Variants in TSNARE1 observed in about 807,000 individuals in gnomAD.
TSNARE1 encodes the protein t-SNARE domain-containing protein 1.
In TSNARE1, 49 loss-of-function variants were observed where a neutral mutation model predicts 62.0. The observed-to-expected ratio is 0.79, with a 90% CI of 0.63 to 1.00. The LOEUF (loss-of-function observed/expected upper bound fraction) is 1.00. Ranked by LOEUF, TSNARE1 falls within the 50% of genes least tolerant of loss-of-function variation. The pLI, the probability that TSNARE1 is intolerant of heterozygous loss-of-function variation, is 0.00. For missense variants in TSNARE1, 755 were observed against 700.1 expected (o/e 1.08, Z -0.88); for synonymous variants, 328 against 294.4 (o/e 1.11, Z -1.17).
At chr8:142,271,707 A>G (rs754102732) in intron 12 of TSNARE1, 169 of 1,357,544 alleles carry the variant, frequency 1.2e-4, no homozygotes, top group South Asian at 3.1e-4. Context: ...AGAGGGAGAC[A>G]GGAAAATGTC....
intron 6 of TSNARE1, among the ~76,000 whole-genome samples, chr8:142,324,106 C>A (rs1256628231): frequency 1.3e-5 from 2 of 152,206 alleles, no homozygotes; most frequent in African/African-American, 4.8e-5. Context: ...AGATGCAATG[C>A]CCGGAACCAT....
intron 1 of TSNARE1, among the ~76,000 whole-genome samples, chr8:142,392,947 G>GAAAAAAAAAAAA (rs374805854): frequency 9.1e-6 from 1 of 109,538 alleles, no homozygotes. Flanking sequence ...AGGAGAAAAA[G>GAAAAAAAAAAAA]AAAAAAAAAA....
chr8:142,261,027 GGAGAGAAAGAGGAGGGAGGAAGGAAA>G (rs1198879510), intron 12 of TSNARE1, among the ~76,000 whole-genome samples: 3 of 120,146 alleles, frequency 2.5e-5, no homozygotes, highest in Non-Finnish European at 3.6e-5. Flanking sequence ...GAGACAGGGA[GGAGAGAAAGAGGAGGGAGGAAGGAAA>G]GAGGGAAGCA....
chr8:142,294,965 T>G (rs1189036992), intron 10 of TSNARE1, among the ~76,000 whole-genome samples: 2 of 152,112 alleles, frequency 1.3e-5, no homozygotes, highest in African/African-American at 4.8e-5. Context: ...CCGCGGCACC[T>G]GGATACCCAA....
At chr8:142,241,050 T>C (rs1338654003) in intron 12 of TSNARE1, among the ~76,000 whole-genome samples, 1 of 152,148 alleles carries the variant, frequency 6.6e-6, no homozygotes, top group Non-Finnish European at 1.5e-5. Flanking sequence ...GTAAAAGGCA[T>C]CCAAATTGGA....
intron 11 of TSNARE1, among the ~76,000 whole-genome samples, chr8:142,281,599 A>G (rs1469839381): frequency 6.6e-6 from 1 of 151,994 alleles, no homozygotes; most frequent in Non-Finnish European, 1.5e-5. Context: ...AGAACTGGAC[A>G]CAGTCACCCC....
At chr8:142,335,092 G>T (rs1831567172) in intron 4 of TSNARE1, among the ~76,000 whole-genome samples, 1 of 152,214 alleles carries the variant, frequency 6.6e-6, no homozygotes, top group African/African-American at 2.4e-5. Context: ...GGGTCATCAT[G>T]TGTTATAAAT....
chr8:142,276,985 G>A, intron 11 of TSNARE1: 1 of 985,458 alleles, frequency 1.0e-6, no homozygotes, highest in South Asian at 4.7e-5. Flanking sequence ...AAGGGGAGGG[G>A]GGCTGCTCCC....
chr8:142,310,916 C>G (rs1827475055), intron 9 of TSNARE1, among the ~76,000 whole-genome samples: 1 of 152,184 alleles, frequency 6.6e-6, no homozygotes, highest in Admixed American at 6.5e-5. Flanking sequence ...ATGGCATGCT[C>G]TCAGCTCACT....
intron 10 of TSNARE1, among the ~76,000 whole-genome samples, chr8:142,290,199 G>A (rs1243144116): frequency 2.0e-5 from 3 of 152,104 alleles, no homozygotes; most frequent in Non-Finnish European, 4.4e-5. Flanking sequence ...AGAGGCCAAG[G>A]CCAGGCCTGA....
intron 4 of TSNARE1, among the ~76,000 whole-genome samples, chr8:142,335,964 A>T (rs1479314329): frequency 1.3e-5 from 2 of 152,178 alleles, no homozygotes; most frequent in Non-Finnish European, 2.9e-5. Context: ...CCCACCAAAA[A>T]GCAGAGCTTC....
Position 142,315,062 on chromosome 8 carries a change from G to T in TSNARE1, c.1015C>A (p.Leu339Met). Reference sequence around the variant, plus strand: ...GAGAGCTGGGTTTTCAGCCGGTCCAGCTGAGGACGCTCCTGCTGCAGACGC... The same window carrying T: ...GAGAGCTGGGTTTTCAGCCGGTCCATCTGAGGACGCTCCTGCTGCAGACGC... ...QERLQQERPQ[L>M]DRLKTQLSDA... Residue 339 changes from leucine (L) to methionine (M), a missense_variant, in exon 8 of 14, where the codon CTG (leucine) becomes ATG (methionine). Leu to Met is a conservative substitution (Grantham distance 15, BLOSUM62 2). Coordinates refer to ENST00000524325, the MANE Select transcript of TSNARE1 (RefSeq NM_145003.5). 1 of 1,614,160 alleles carries T rather than the reference G, an allele frequency of 6.2e-7. No individual in the cohort carries two copies. Among genetic ancestry groups the T allele is most frequent in the Non-Finnish European group, 8.5e-7 (1 of 1,180,022 alleles).
chr8:142,236,796 C>T (rs961579982), intron 12 of TSNARE1, among the ~76,000 whole-genome samples: 1 of 152,304 alleles, frequency 6.6e-6, no homozygotes, highest in Middle Eastern at 3.4e-3. Flanking sequence ...GGTGCATATT[C>T]ATTGCCTATG....
At chr8:142,216,379 C>A (rs922784670) in intron 13 of TSNARE1, among the ~76,000 whole-genome samples, 2 of 152,172 alleles carry the variant, frequency 1.3e-5, no homozygotes, top group African/African-American at 4.8e-5. Context: ...TCTCCCTGAT[C>A]AGCTGAGTAG....
intron 13 of TSNARE1, among the ~76,000 whole-genome samples, chr8:142,215,404 C>A (rs1815784153): frequency 6.6e-6 from 1 of 152,152 alleles, no homozygotes; most frequent in African/African-American, 2.4e-5. Flanking sequence ...GGTCAGGGAG[C>A]AGCCTTGCAG....
chr8:142,365,631 CACAGAGAG>C lies in TSNARE1; in HGVS notation c.-39-10876_-39-10869del, dbSNP rs746967126. Among the ~76,000 whole-genome samples the C allele has an allele frequency of 4.2e-3, 620 of 147,298 alleles. 5 individuals carry two copies. Among genetic ancestry groups the C allele is most frequent in the African/African-American group, 0.015 (569 of 38,324 alleles). On this transcript the variant is annotated intron_variant, in intron 1 of 13. Transcript: ENST00000524325. The stretch of plus-strand genomic sequence containing the variant: ...ACACACACACACACACACACACACA[CACAGAGAG>C]AGAGAGGGGAACAAAGAATAAACCA...
At chr8:142,296,645 C>T (rs1338011147) in intron 10 of TSNARE1, among the ~76,000 whole-genome samples, 2 of 151,816 alleles carry the variant, frequency 1.3e-5, no homozygotes, top group African/African-American at 4.8e-5. Context: ...AGAGACTCCC[C>T]GTGGGAGGCG....
chr8:142,317,786 C>G (rs2131684125), intron 7 of TSNARE1, among the ~76,000 whole-genome samples: 1 of 152,162 alleles, frequency 6.6e-6, no homozygotes, highest in Non-Finnish European at 1.5e-5. Context: ...GGTGAAACCC[C>G]ACCTCTACTA....
At chr8:142,232,180 G>T (rs1817149819) in intron 12 of TSNARE1, among the ~76,000 whole-genome samples, 1 of 152,262 alleles carries the variant, frequency 6.6e-6, no homozygotes, top group Admixed American at 6.5e-5. Flanking sequence ...AGGCCGAGGT[G>T]CATGCTGGAG....
Sources: allele counts gnomAD v4.1 joint callset (sites outside exome capture counted in the v4.1 genomes callset), GRCh38; gene constraint gnomAD v4.1.1; transcripts MANE v1.5; gene names NCBI Gene and HGNC (gene_info 2026-07-23, HGNC 2026-07-21).